Variants in RAD50 observed in about 807,000 individuals in gnomAD.
RAD50 encodes the protein DNA repair protein RAD50.
In RAD50, 132 loss-of-function variants were observed where a neutral mutation model predicts 168.8. The observed-to-expected ratio is 0.78, with a 90% confidence interval of 0.68 to 0.90. The LOEUF (loss-of-function observed/expected upper bound fraction) is 0.90. Among genes scored for constraint, RAD50 ranks in the 40% least tolerant of loss-of-function variants. RAD50 has a pLI of 0.00. For synonymous variants in RAD50, 525 were observed against 497.4 expected (o/e 1.06, Z -0.74); for missense variants, 1,347 against 1,534.4 (o/e 0.88, Z 2.04).
At chr5:132,637,529 CT>C (rs377716981) in intron 22 of RAD50, among the ~76,000 whole-genome samples, 51 of 144,036 alleles carry the variant, frequency 3.5e-4, no homozygotes, top group Admixed American at 4.2e-4. Context: ...TTTTCTTTTT[CT>C]TTTTTTTTTT....
At chr5:132,594,222 C>T (rs958824336) in intron 11 of RAD50, among the ~76,000 whole-genome samples, 1 of 152,036 alleles carries the variant, frequency 6.6e-6, no homozygotes, top group African/African-American at 2.4e-5. Context: ...AATATATTAC[C>T]GTCTATTCTG....
chr5:132,588,936 G>A, intron 8 of RAD50, 56 bp downstream of exon 8: 2 of 1,531,680 alleles, frequency 1.3e-6, no homozygotes, highest in Non-Finnish European at 1.8e-6. Context: ...TTCTCTACTT[G>A]AATTGTTTTA....
At position 132,607,063 on chromosome 5, in the gene RAD50, T is replaced by C. The variant is rs554556855; in HGVS notation, c.2719-1552T>C. ...CATTCCCTTTGAAAACCAGCTATTATGAGGATCAAATGAAAATGGTATAAT... is the reference window on the plus strand; with the variant it reads ...CATTCCCTTTGAAAACCAGCTATTACGAGGATCAAATGAAAATGGTATAAT... On this transcript the variant is annotated intron_variant, in intron 16 of 24. Transcript: ENST00000378823. 2.0e-5 allele frequency among the ~76,000 whole-genome samples: 3 copies of C among 152,244 alleles called. No homozygotes were observed. The East Asian group carries it at 5.8e-4, about 29-fold the overall frequency.
chr5:132,568,682 C>T (rs753240898), intron 2 of RAD50, among the ~76,000 whole-genome samples: 5 of 152,088 alleles, frequency 3.3e-5, no homozygotes, highest in African/African-American at 9.7e-5. Context: ...TGGGACAGCA[C>T]CTTTAAGGTG....
At chr5:132,557,792 G>C (rs983052658) in intron 1 of RAD50, among the ~76,000 whole-genome samples, 2 of 152,294 alleles carry the variant, frequency 1.3e-5, no homozygotes, top group South Asian at 4.1e-4. Flanking sequence ...TCAAAGCATA[G>C]CATTCACTTC....
At position 132,607,722 on chromosome 5, in the gene RAD50, G is replaced by A. The variant is rs115157195; in HGVS notation, c.2719-893G>A. Among the ~76,000 whole-genome samples, 1,135 of 152,260 alleles carry A rather than the reference G, an allele frequency of 7.5e-3. 12 individuals are homozygous for A. Among genetic ancestry groups the A allele is most frequent in the African/African-American group, 0.026 (1,086 of 41,542 alleles). On this transcript the variant is annotated intron_variant, in intron 16 of 24. Transcript: ENST00000378823. ...ATTGAGATTTACAAATGTCTCATGAGTGCCTAAGTTTATGCAGCTAATAGG... is the reference window on the plus strand; with the variant it reads ...ATTGAGATTTACAAATGTCTCATGAATGCCTAAGTTTATGCAGCTAATAGG...
intron 21 of RAD50, among the ~76,000 whole-genome samples, chr5:132,627,950 G>A (rs964932366): frequency 3.3e-5 from 5 of 152,168 alleles, no homozygotes; most frequent in African/African-American, 4.8e-5. Flanking sequence ...AGAGTTGACA[G>A]GCCTTGCTTC....
rs878854799 is a variant in RAD50, at chr5:132,638,093, TAGAAATA to T, written c.3489_3495del (p.Glu1164GlyfsTer22). 1 of 1,614,104 alleles carries T rather than the reference TAGAAATA, an allele frequency of 6.2e-7. No homozygotes were observed. The highest frequency in any genetic ancestry group is 8.5e-7 in the Non-Finnish European group (1 of 1,179,944). ...CTTCCTGTGTCAGATATTGAATACA[TAGAAATA>T]CGGTCTGATGCCGATGAAAATGTAT... On this transcript the variant is annotated frameshift_variant, in exon 23 of 25. Transcript: ENST00000378823. LOFTEE classifies it high-confidence loss of function.
rs774186415 is a variant in RAD50, at chr5:132,638,063, T to G, written c.3476-18T>G. ...ACAGAGCATAGGTTCCTCTAAAATA[T>G]TCTTCTTCCTGTGTCAGATATTGAA... On this transcript the variant is annotated intron_variant, in intron 22 of 24. Transcript: ENST00000378823. 8 of 1,609,440 alleles carry G rather than the reference T, an allele frequency of 5.0e-6. No homozygotes were observed. The highest frequency in any genetic ancestry group is 6.8e-6 in the Non-Finnish European group (8 of 1,178,516).
intron 5 of RAD50, among the ~76,000 whole-genome samples, chr5:132,584,711 A>C (rs1750563626): frequency 1.3e-5 from 2 of 152,156 alleles, no homozygotes; most frequent in Non-Finnish European, 2.9e-5. Context: ...TCCAATGATG[A>C]TAGACTGGAT....
rs142717072 is a variant in RAD50, at chr5:132,598,901, G to A, written c.2207+3091G>A. Among the ~76,000 whole-genome samples, 553 of 152,340 alleles carry A rather than the reference G, an allele frequency of 3.6e-3. 4 individuals are homozygous for A. Among genetic ancestry groups the A allele is most frequent in the African/African-American group, 0.011 (468 of 41,572 alleles). On this transcript the variant is annotated intron_variant, in intron 13 of 24. Transcript: ENST00000378823. ...GTCACAGAAACTCCCAAGATTCAGT[G>A]AGGGAGGATACTGTATCTCTTGATG...
At chr5:132,625,766 G>A (rs1233785959) in intron 21 of RAD50, among the ~76,000 whole-genome samples, 1 of 152,154 alleles carries the variant, frequency 6.6e-6, no homozygotes, top group Non-Finnish European at 1.5e-5. Flanking sequence ...AAATGAATGA[G>A]AACATGCAAA....
At chr5:132,573,424 T>A (rs905521371) in intron 2 of RAD50, among the ~76,000 whole-genome samples, 1 of 152,158 alleles carries the variant, frequency 6.6e-6, no homozygotes, top group African/African-American at 2.4e-5. Context: ...CTTACTATCA[T>A]GAGAACAGCA....
At chr5:132,601,687 T>A (rs1357482857) in intron 13 of RAD50, among the ~76,000 whole-genome samples, 1 of 152,160 alleles carries the variant, frequency 6.6e-6, no homozygotes, top group Non-Finnish European at 1.5e-5. Flanking sequence ...ATATGTTTAT[T>A]GCGGCACTGT....
At chr5:132,571,014 A>C (rs1451708008) in intron 2 of RAD50, among the ~76,000 whole-genome samples, 1 of 152,178 alleles carries the variant, frequency 6.6e-6, no homozygotes, top group Non-Finnish European at 1.5e-5. Context: ...TCAGGTTCCA[A>C]GGAGAGGGAG....
intron 19 of RAD50, among the ~76,000 whole-genome samples, chr5:132,614,337 C>T (rs993737982): frequency 7.2e-5 from 11 of 152,134 alleles, no homozygotes; most frequent in African/African-American, 2.7e-4. Flanking sequence ...CATAGTAGAA[C>T]CTTGGTAAGT....
chr5:132,597,299 G>A (rs1750808602), intron 13 of RAD50, among the ~76,000 whole-genome samples: 3 of 152,072 alleles, frequency 2.0e-5, no homozygotes, highest in Non-Finnish European at 4.4e-5. Context: ...TCGGCCTCTT[G>A]GTATTTATAC....
chr5:132,591,851 T>G, intron 10 of RAD50, 26 bp from the exon 11 acceptor site: 1 of 1,541,590 alleles, frequency 6.5e-7, no homozygotes, highest in Non-Finnish European at 8.9e-7. Flanking sequence ...GACTTTATTT[T>G]TAAAAGATTT....
intron 15 of RAD50, 25 bp downstream of exon 15, chr5:132,604,071 A>T (rs751207051): frequency 1.2e-6 from 2 of 1,611,522 alleles, no homozygotes; most frequent in Non-Finnish European, 1.7e-6. Context: ...GTCCTTCTGT[A>T]CTCATAGAGA....
Sources: gnomAD v4.1 joint callset for allele counts (sites outside exome capture counted in the v4.1 genomes callset) on GRCh38, gnomAD v4.1.1 for gene constraint, MANE v1.5 for transcripts, NCBI Gene and HGNC (gene_info 2026-07-23, HGNC 2026-07-21) for gene names.